The following ARL15 variants were observed in gnomAD, a reference collection of about 807,000 sequenced individuals.
The protein encoded by ARL15 is ARF like GTPase 15.
A neutral mutation model predicts 25.2 loss-of-function variants in ARL15; 19 were observed. The observed-to-expected ratio is 0.75, with a 90% CI of 0.53 to 1.10. The LOEUF is 1.10. Among genes scored for constraint, ARL15 ranks in the 50% least tolerant of loss-of-function variants. The pLI is 0.00. For missense variants in ARL15, 220 were observed against 246.0 expected, an observed-to-expected ratio of 0.89 and a Z score of 0.71; for synonymous variants, 94 against 86.8, an observed-to-expected ratio of 1.08 and a Z score of -0.46.
At chr5:53,994,271 GT>G (rs1397518512) in intron 4 of ARL15, among the ~76,000 whole-genome samples, 1 of 152,134 alleles carries the variant, frequency 6.6e-6, no homozygotes, top group Non-Finnish European at 1.5e-5. Flanking sequence ...CATTTAGAAA[GT>G]TTAGCTTCTG....
chr5:54,068,385 T>A (rs559970349), intron 4 of ARL15, among the ~76,000 whole-genome samples: 1 of 152,144 alleles, frequency 6.6e-6, no homozygotes, highest in Non-Finnish European at 1.5e-5. Flanking sequence ...TCAGAAATAG[T>A]CTCTAGAAAG....
chr5:53,970,354 T>C (rs1329797017), intron 4 of ARL15, among the ~76,000 whole-genome samples: 1 of 152,210 alleles, frequency 6.6e-6, no homozygotes, highest in Non-Finnish European at 1.5e-5. Context: ...ACTCAGCTTC[T>C]ACCATACATT....
intron 4 of ARL15, among the ~76,000 whole-genome samples, chr5:53,939,978 CT>C (rs11344083): frequency 0.75 from 91,516 of 121,770 alleles, 33,652 homozygotes; most frequent in Middle Eastern, 0.88. Flanking sequence ...AAGTCCTGAA[CT>C]TTTTTTTTTT....
At chr5:54,018,028 G>A (rs1032308817) in intron 4 of ARL15, among the ~76,000 whole-genome samples, 6 of 151,956 alleles carry the variant, frequency 3.9e-5, no homozygotes, top group Non-Finnish European at 8.8e-5. Context: ...TAGAAGTACC[G>A]AAATACCCAT....
intron 4 of ARL15, among the ~76,000 whole-genome samples, chr5:54,087,119 G>A (rs772451648): frequency 7.9e-5 from 12 of 152,160 alleles, no homozygotes; most frequent in Non-Finnish European, 1.3e-4. Context: ...GGCGGATCAC[G>A]AGGTCAGGGG....
intron 4 of ARL15, among the ~76,000 whole-genome samples, chr5:53,896,653 C>A (rs949586016): frequency 6.6e-6 from 1 of 152,068 alleles, no homozygotes; most frequent in Non-Finnish European, 1.5e-5. Context: ...CCCGCCACCA[C>A]GCCCGGCTAA....
chr5:54,146,203 T>C (rs1014199275), intron 3 of ARL15, among the ~76,000 whole-genome samples: 4 of 147,692 alleles, frequency 2.7e-5, no homozygotes, highest in African/African-American at 1.0e-4. Flanking sequence ...ATGTTTACTG[T>C]ACAAAAAAAA....
At chr5:53,968,258 C>T (rs776560677) in intron 4 of ARL15, among the ~76,000 whole-genome samples, 19 of 152,274 alleles carry the variant, frequency 1.2e-4, no homozygotes, top group Middle Eastern at 3.4e-3. Context: ...TCACTTTCAA[C>T]AAGATAGCAA....
At chr5:54,061,107 G>A (rs958871387) in intron 4 of ARL15, among the ~76,000 whole-genome samples, 2 of 152,198 alleles carry the variant, frequency 1.3e-5, no homozygotes, top group Non-Finnish European at 2.9e-5. Context: ...CAGGCCCAGA[G>A]GTCTAGGAAG....
At chr5:53,948,455 G>GT (rs1746823433) in intron 4 of ARL15, among the ~76,000 whole-genome samples, 1 of 152,150 alleles carries the variant, frequency 6.6e-6, no homozygotes, top group Non-Finnish European at 1.5e-5. Context: ...CGGTATTTGC[G>GT]TAACAGTGGT....
rs1052467193 is a variant in ARL15, at chr5:53,884,199, T to C, written c.*2362A>G. The stretch of plus-strand genomic sequence containing the variant: ...AAGGCAACTGCTTTAGCTAAGAAGG[T>C]ACAAAAACTGGAAACGTCCATAAAT... On this transcript the variant is annotated 3_prime_UTR_variant, in exon 5 of 5. Transcript: ENST00000504924. The C allele has an allele frequency of 6.6e-6, 1 of 152,150 alleles. No individual in the cohort carries two copies. The highest frequency in any genetic ancestry group is 2.4e-5 in the African/African-American group (1 of 41,420). The allele number at this position is 152,150 out of a possible 1,614,324, so 9.4% of individuals were successfully genotyped here.
intron 1 of ARL15, among the ~76,000 whole-genome samples, chr5:54,199,038 C>A (rs1376349015): frequency 1.3e-5 from 2 of 151,336 alleles, no homozygotes; most frequent in Admixed American, 6.6e-5. Context: ...GAAAAACAAG[C>A]AATGGGGAAA....
At chr5:54,203,590 T>C (rs1755779660) in intron 1 of ARL15, among the ~76,000 whole-genome samples, 1 of 152,214 alleles carries the variant, frequency 6.6e-6, no homozygotes, top group Non-Finnish European at 1.5e-5. Context: ...GTCAATTTTA[T>C]AAAATTATAT....
At chr5:53,967,111 T>C (rs1370061734) in intron 4 of ARL15, among the ~76,000 whole-genome samples, 2 of 152,180 alleles carry the variant, frequency 1.3e-5, no homozygotes, top group African/African-American at 4.8e-5. Context: ...GACATACATA[T>C]TGGAATGGAA....
At chr5:54,268,114 G>A (rs1485044122) in intron 1 of ARL15, among the ~76,000 whole-genome samples, 4 of 151,970 alleles carry the variant, frequency 2.6e-5, no homozygotes, top group East Asian at 1.9e-4. Context: ...CCAATCAGAC[G>A]TAGATTTGGT....
chr5:54,190,815 G>A (rs1056210915), intron 1 of ARL15, among the ~76,000 whole-genome samples: 3 of 152,086 alleles, frequency 2.0e-5, no homozygotes, highest in Non-Finnish European at 4.4e-5. Context: ...AACAAGTGTT[G>A]GCAAGGATAT....
chr5:54,221,900 A>AGC (rs1211644984), intron 1 of ARL15, among the ~76,000 whole-genome samples: 1 of 151,872 alleles, frequency 6.6e-6, no homozygotes, highest in African/African-American at 2.4e-5. Context: ...GTGCATGCAC[A>AGC]GTGTGTGCGC....
intron 1 of ARL15, among the ~76,000 whole-genome samples, chr5:54,239,231 A>AT (rs57640006): frequency 0.017 from 2,468 of 148,748 alleles, 28 homozygotes; most frequent in Middle Eastern, 0.058. Flanking sequence ...TATGAATGCC[A>AT]TTTTTTTTTT....
chr5:54,199,386 G>A (rs574132050), intron 1 of ARL15, among the ~76,000 whole-genome samples: 9 of 151,446 alleles, frequency 5.9e-5, no homozygotes, highest in South Asian at 2.1e-4. Flanking sequence ...GAAAATTTTC[G>A]CAACCTACTC....
Sources: gnomAD v4.1 joint callset for allele counts (sites outside exome capture counted in the v4.1 genomes callset) on GRCh38, gnomAD v4.1.1 for gene constraint, MANE v1.5 for transcripts, NCBI Gene and HGNC (gene_info 2026-07-23, HGNC 2026-07-21) for gene names.